VASP: variants seen among roughly 807,000 people sequenced by gnomAD.
VASP encodes vasodilator-stimulated phosphoprotein.
In VASP, 27 loss-of-function variants were observed where a neutral mutation model predicts 54.4. The observed-to-expected ratio is 0.50, with a 90% CI of 0.37 to 0.68. The LOEUF is 0.68. Among genes scored for constraint, VASP ranks in the 30% least tolerant of loss-of-function variants. VASP has a pLI of 0.00. For missense variants in VASP, 488 were observed against 528.3 expected, an observed-to-expected ratio of 0.92 and a Z score of 0.75; for synonymous variants, 233 against 209.8, an observed-to-expected ratio of 1.11 and a Z score of -0.96.
intron 10 of VASP, 123 bp from the exon 11 acceptor site, chr19:45,524,447 C>A: frequency 1.9e-6 from 2 of 1,043,630 alleles, no homozygotes; most frequent in Non-Finnish European, 2.9e-6. Flanking sequence ...ACTGGGGCCC[C>A]AAAAATACTT....
chr19:45,525,823 C>T lies in VASP; in HGVS notation c.1048-123C>T. On this transcript the variant is annotated intron_variant, in intron 11 of 12. Transcript: ENST00000245932. ...AGTTGAGGCTGCAATGAGCTGTGAT[C>T]ATGCCATTGCACCCTAGCCTGGGCA... 3 of 921,282 alleles carry T rather than the reference C, an allele frequency of 3.3e-6. No homozygotes were observed. The South Asian group carries it at 5.0e-5, about 15-fold the overall frequency. The allele number at this position is 921,282 out of a possible 1,614,324, so 57.1% of individuals were successfully genotyped here.
rs3038808 is a variant in VASP, at chr19:45,509,517, C to CCCACCACCACCA, written c.5+1751_5+1762dup. 9.9e-3 allele frequency among the ~76,000 whole-genome samples: 1,495 copies of CCCACCACCACCA among 151,082 alleles called. 5 individuals are homozygous for CCCACCACCACCA. Among genetic ancestry groups the CCCACCACCACCA allele is most frequent in the African/African-American group, 0.019 (771 of 41,114 alleles). ...GTGTCTGGGCCGGCCCCCTGTCCTC[C>CCCACCACCACCA]CCACCACCACCACCACCACCAGCAC... On this transcript the variant is annotated intron_variant, in intron 1 of 12. Coordinates refer to ENST00000245932, the MANE Select transcript of VASP (RefSeq NM_003370.4).
intron 11 of VASP, 66 bp from the exon 12 acceptor site, chr19:45,525,880 G>A: frequency 1.3e-6 from 2 of 1,504,864 alleles, no homozygotes; most frequent in South Asian, 1.2e-5. Flanking sequence ...AAAAATAAAA[G>A]AAGGGGGATT....
chr19:45,521,072 C>T (rs914477274), intron 3 of VASP, among the ~76,000 whole-genome samples: 6 of 152,218 alleles, frequency 3.9e-5, no homozygotes, highest in African/African-American at 1.4e-4. Context: ...GACTGTTCCC[C>T]GGGCCTTAGC....
chr19:45,514,945 T>A (rs1968673703), intron 1 of VASP, among the ~76,000 whole-genome samples: 1 of 152,194 alleles, frequency 6.6e-6, no homozygotes, highest in African/African-American at 2.4e-5. Context: ...ACTCAACCTC[T>A]CTGGGCCTCT....
chr19:45,518,370 G>A (rs979586541), intron 3 of VASP, among the ~76,000 whole-genome samples: 1 of 152,076 alleles, frequency 6.6e-6, no homozygotes, highest in Non-Finnish European at 1.5e-5. Context: ...GAGTTTCACC[G>A]TGCCCAACAT....
Position 45,522,197 on chromosome 19 carries a change from A to AGCGCCGT in VASP, c.464_465insTGCGCCG (p.Val156AlafsTer101), listed in dbSNP as rs1193533095. On this transcript the variant is annotated frameshift_variant, in exon 5 of 13. Coordinates refer to ENST00000245932, the MANE Select transcript of VASP (RefSeq NM_003370.4). LOFTEE classifies it high-confidence loss of function. ...CAGCCCGGCCCGTCGGAGCACATAG[A>AGCGCCGT]GCGCCGGGTCTCCAATGCAGGTGAT... is the stretch of plus-strand genomic sequence containing the variant. 6.2e-7 allele frequency: 1 copy of AGCGCCGT among 1,614,066 alleles called. No homozygotes were observed. The highest frequency in any genetic ancestry group is 1.1e-5 in the South Asian group (1 of 91,088).
At chr19:45,522,886 C>G in intron 7 of VASP, 68 bp downstream of exon 7, 1 of 1,438,536 alleles carries the variant, frequency 7.0e-7, no homozygotes, top group East Asian at 2.5e-5. Context: ...CAGAGGAGGG[C>G]TCCAATTCCT....
chr19:45,526,073 G>T lies in VASP; in HGVS notation c.1106-67G>T, dbSNP rs1220290010. The T allele has an allele frequency of 1.9e-6, 3 of 1,613,478 alleles. No individual in the cohort carries two copies. In the African/African-American group the frequency reaches 4.0e-5, roughly 22 times the overall value. ...TTGGAGGCATCATGTCCCTGGGCAA[G>T]AGCCCTGTTTTGGAAGGGAGGAGGC... On this transcript the variant is annotated intron_variant, in intron 12 of 12. Coordinates refer to ENST00000245932, the MANE Select transcript of VASP (RefSeq NM_003370.4).
chr19:45,510,427 T>G (rs1423383779), intron 1 of VASP, among the ~76,000 whole-genome samples: 1 of 152,104 alleles, frequency 6.6e-6, no homozygotes, highest in Non-Finnish European at 1.5e-5. Flanking sequence ...GGTTTCACCG[T>G]GATGGCCAGG....
chr19:45,525,815 G>A, intron 11 of VASP, 131 bp from the exon 12 acceptor site: 2 of 845,356 alleles, frequency 2.4e-6, no homozygotes, highest in Non-Finnish European at 3.7e-6. Context: ...GCTGCAATGA[G>A]CTGTGATCAT....
At chr19:45,526,037 A>G (rs775226894) in intron 12 of VASP, 34 bp downstream of exon 12, 1 of 1,613,108 alleles carries the variant, frequency 6.2e-7, no homozygotes, top group Non-Finnish European at 8.5e-7. Context: ...GTTCTTAAAC[A>G]TTTACTTATT....
chr19:45,521,376 C>A lies in VASP; in HGVS notation c.398C>A (p.Pro133His). 1 of 1,579,794 alleles carries A rather than the reference C, an allele frequency of 6.3e-7. No individual in the cohort carries two copies. The highest frequency in any genetic ancestry group is 8.6e-7 in the Non-Finnish European group (1 of 1,162,836). The stretch of plus-strand genomic sequence containing the variant: ...CCCACCTGGTCGGTCCCGAACGGCC[C>A]CTCCCCGGAGGAGGTGGAGCAGCAG... Reference protein sequence around the residue: ...ALPTWSVPNGPSPEEVEQQKR... With the variant: ...ALPTWSVPNGHSPEEVEQQKR... Residue 133 changes from proline to histidine, a missense_variant, in exon 4 of 13, where the codon CCC (proline) becomes CAC (histidine). Physicochemically the swap from Pro to His is moderately conservative, Grantham distance 77 (BLOSUM62 -2). Coordinates refer to ENST00000245932, the MANE Select transcript of VASP (RefSeq NM_003370.4).
chr19:45,526,102 G>C, intron 12 of VASP, 38 bp from the exon 13 acceptor site: 2 of 1,613,854 alleles, frequency 1.2e-6, no homozygotes, highest in South Asian at 1.1e-5. Flanking sequence ...AGGAGGCAGA[G>C]ACTCTGCCCC....
At chr19:45,510,932 C>CAA (rs750711575) in intron 1 of VASP, among the ~76,000 whole-genome samples, 9,673 of 108,792 alleles carry the variant, frequency 0.089, 617 homozygotes, top group East Asian at 0.24. Context: ...GACCCTGTCT[C>CAA]AAAAAAAAAA....
At position 45,523,615 on chromosome 19, in the gene VASP, G is replaced by C. The variant is rs771979035; in HGVS notation, c.822-29G>C. 3 of 1,613,250 alleles carry C rather than the reference G, an allele frequency of 1.9e-6. No individual in the cohort carries two copies. In the African/African-American group the frequency reaches 4.0e-5, roughly 22 times the overall value. On this transcript the variant is annotated intron_variant, in intron 7 of 12. Transcript: ENST00000245932. ...GAAGGGGATGGGTTGGGTGACGGAA[G>C]CACGTGTTTTTGCTTTTCTCTCCTG...
chr19:45,507,822 C>T lies in VASP; in HGVS notation c.5+46C>T, dbSNP rs767283536. 2,210 of 1,315,884 alleles carry T rather than the reference C, an allele frequency of 1.7e-3. 7 individuals carry two copies. The highest frequency in any genetic ancestry group is 3.0e-3 in the Middle Eastern group (12 of 4,066). 81.5% of individuals were successfully genotyped at this position (1,315,884 alleles called of 1,614,324 possible). ...GACCCGTCCCCGCCCGGGCGGGCTCCGCGCCCCGCCTTTGTCCCCCTCCCC... is the reference window on the plus strand; with the variant it reads ...GACCCGTCCCCGCCCGGGCGGGCTCTGCGCCCCGCCTTTGTCCCCCTCCCC... On this transcript the variant is annotated intron_variant, in intron 1 of 12. Transcript: ENST00000245932. This position sits in a 1 kb window ranked among gnomAD's most constrained non-coding sequence, Gnocchi z 4.4.
rs1968973411 is a variant in VASP, at chr19:45,526,517, T to G, written c.*340T>G. 1 of 226,634 alleles carries G rather than the reference T, an allele frequency of 4.4e-6. No homozygotes were observed. Among genetic ancestry groups the G allele is most frequent in the African/African-American group, 2.3e-5 (1 of 44,058 alleles). 14.0% of individuals were successfully genotyped at this position (226,634 alleles called of 1,614,324 possible). ...ACATTCCCTTGTTCTAGATTCACTT[T>G]AACGCTTAATGCCTTCAAAGTTTTG... On this transcript the variant is annotated 3_prime_UTR_variant, in exon 13 of 13. Transcript: ENST00000245932.
At position 45,507,676 on chromosome 19, in the gene VASP, C is replaced by T; in HGVS notation, c.-96C>T. On this transcript the variant is annotated 5_prime_UTR_variant, in exon 1 of 13. Transcript: ENST00000245932. This position sits in a 1 kb window ranked among gnomAD's most constrained non-coding sequence, Gnocchi z 4.4. ...GGGCGGGACCCTGGGGGAGCCTGAG[C>T]CGAGCCCGGAGCCAGCCCCGAACCC... 1.4e-6 allele frequency: 2 copies of T among 1,473,926 alleles called. No individual in the cohort carries two copies. The highest frequency in any genetic ancestry group is 1.8e-6 in the Non-Finnish European group (2 of 1,102,688). The allele number at this position is 1,473,926 out of a possible 1,614,324, so 91.3% of individuals were successfully genotyped here.
Sources: gnomAD v4.1 joint callset for allele counts (sites outside exome capture counted in the v4.1 genomes callset) on GRCh38, gnomAD v4.1.1 for gene constraint, Gnocchi (gnomAD v3.1) non-coding constraint, MANE v1.5 for transcripts, NCBI Gene and HGNC (gene_info 2026-07-23, HGNC 2026-07-21) for gene names.